The following PPP1R2B variants were observed in gnomAD, a reference collection of about 807,000 sequenced individuals.
The protein encoded by PPP1R2B is PPP1R2 family member B.
PPP1R2B carries 13 observed loss-of-function variants against 17.6 expected under a neutral mutation model. The observed-to-expected ratio is 0.74, with a 90% confidence interval of 0.48 to 1.17. The LOEUF is 1.17. Ranked by LOEUF, PPP1R2B falls within the 50% of genes most tolerant of loss-of-function variation. The probability of loss-of-function intolerance (pLI) is 0.00; values close to 1 mark genes in which losing one functional copy is unlikely to be tolerated. For missense variants in PPP1R2B, 230 were observed against 252.4 expected (o/e 0.91, Z 0.60); for synonymous variants, 105 against 95.4 (o/e 1.10, Z -0.59).
At position 156,852,323 on chromosome 5, in the gene PPP1R2B, T is replaced by G. The variant is rs1758492005; in HGVS notation, c.*1143T>G. 6.6e-6 allele frequency: 1 copy of G among 152,098 alleles called. No individual in the cohort carries two copies. Among genetic ancestry groups the G allele is most frequent in the Non-Finnish European group, 1.5e-5 (1 of 67,972 alleles). 9.4% of individuals were successfully genotyped at this position (152,098 alleles called of 1,614,324 possible). A position where few individuals can be genotyped will look rare whatever the true frequency, so the allele number is the denominator to read the frequency against. ...TTTTTTGTTTTTTGAGGGTTTTCTT[T>G]GCATGAGAATTGTATGTAACCAGTG... is the stretch of plus-strand genomic sequence containing the variant. On this transcript the variant is annotated 3_prime_UTR_variant, in exon 1 of 1. Coordinates refer to ENST00000522232, the MANE Select transcript of PPP1R2B (RefSeq NM_206858.3).
Position 156,850,710 on chromosome 5 carries a change from A to G in PPP1R2B, c.148A>G (p.Ile50Val), listed in dbSNP as rs746632050. The part of the protein sequence containing the change: ...LSKKSQKWDE[I>V]NILATYHPAD... Reference sequence around the variant, plus strand: ...CAAAAAATCCCAGAAGTGGGATGAAATTAACATCTTGGCGACCTATCATCC... The same window carrying G: ...CAAAAAATCCCAGAAGTGGGATGAAGTTAACATCTTGGCGACCTATCATCC... The change falls in exon 1 of 1, where the codon ATT (isoleucine) becomes GTT (valine). Residue 50 changes from isoleucine to valine, a missense_variant. Transcript: ENST00000522232. 2 of 1,554,540 alleles carry G rather than the reference A, an allele frequency of 1.3e-6. No individual in the cohort carries two copies. The highest frequency in any genetic ancestry group is 3.3e-5 in the Admixed American group (2 of 59,954).
Position 156,850,874 on chromosome 5 carries a change from A to C in PPP1R2B, c.312A>C (p.Leu104Phe). Reference protein sequence around the residue: ...AMAPDILAKKLAAAEGLEPKY... With the variant: ...AMAPDILAKKFAAAEGLEPKY... ...CGCCAGACATCCTAGCCAAGAAATT[A>C]GCTGCTGCTGAAGGCTTGGAGCCAA... Residue 104 changes from leucine to phenylalanine, a missense_variant, in exon 1 of 1, where the codon TTA becomes TTC. Coordinates refer to ENST00000522232, the MANE Select transcript of PPP1R2B (RefSeq NM_206858.3). 6.3e-7 allele frequency: 1 copy of C among 1,598,848 alleles called. No individual in the cohort carries two copies. The highest frequency in any genetic ancestry group is 8.6e-7 in the Non-Finnish European group (1 of 1,166,460).
rs767736462 is a variant in PPP1R2B at position 156,850,747 on chromosome 5, G to C, written c.185G>C (p.Gly62Ala). ...ILATYHPADK[G>A]YGLMKIDEPS... The stretch of plus-strand genomic sequence containing the variant: ...GCGACCTATCATCCAGCAGACAAAG[G>C]CTATGGTTTAATGAAAATAGATGAA... Residue 62 changes from glycine (G) to alanine (A), a missense_variant, in exon 1 of 1, where the codon GGC becomes GCC. Physicochemically the swap from Gly to Ala is moderately conservative, Grantham distance 60. Coordinates refer to ENST00000522232, the MANE Select transcript of PPP1R2B (RefSeq NM_206858.3). 1 of 1,528,044 alleles carries C rather than the reference G, an allele frequency of 6.5e-7. No homozygotes were observed. Among genetic ancestry groups the C allele is most frequent in the Non-Finnish European group, 9.1e-7 (1 of 1,101,780 alleles). 94.7% of individuals were successfully genotyped at this position (1,528,044 alleles called of 1,614,324 possible).
chr5:156,851,732 T>C lies in PPP1R2B; in HGVS notation c.*552T>C, dbSNP rs1173974402. 2.6e-5 allele frequency: 4 copies of C among 153,428 alleles called. No homozygotes were observed. The highest frequency in any genetic ancestry group is 9.6e-5 in the African/African-American group (4 of 41,576). The allele number at this position is 153,428 out of a possible 1,614,324, so 9.5% of individuals were successfully genotyped here. The stretch of plus-strand genomic sequence containing the variant: ...TCTGACCTACTACCTTTAAAATTCC[T>C]GTTGAGTTTCTTTGTGTTTACAAGG... On this transcript the variant is annotated 3_prime_UTR_variant, in exon 1 of 1. Transcript: ENST00000522232.
At position 156,850,576 on chromosome 5, in the gene PPP1R2B, C is replaced by A. The variant is rs112474244; in HGVS notation, c.14C>A (p.Thr5Lys). 848 of 1,590,194 alleles carry A rather than the reference C, an allele frequency of 5.3e-4. 6 individuals carry two copies. The African/African-American group carries it at 0.01, about 19-fold the overall frequency. The change falls in exon 1 of 1, where the codon ACG (threonine) becomes AAG (lysine). Residue 5 changes from threonine to lysine, a missense_variant. Transcript: ENST00000522232. MAAS[T>K]ASHRPIKGIL... is the part of the protein sequence containing the mutation. ...GAGCGCCCGGCAATGGCGGCCTCGA[C>A]GGCCTCCCACCGGCCCATCAAGGGG...
rs1167969304 is a variant in PPP1R2B, at chr5:156,851,356, G to GAT, written c.*185_*186dup. On this transcript the variant is annotated 3_prime_UTR_variant, in exon 1 of 1. Coordinates refer to ENST00000522232, the MANE Select transcript of PPP1R2B (RefSeq NM_206858.3). ...CTAATTAGACTGAAAATGCCTAATT[G>GAT]ATATATATATTCTTATGCCTAGTAC... The GAT allele has an allele frequency of 3.2e-6, 2 of 629,008 alleles. No individual in the cohort carries two copies. Among genetic ancestry groups the GAT allele is most frequent in the Non-Finnish European group, 5.6e-6 (2 of 359,104 alleles). 39.0% of individuals were successfully genotyped at this position (629,008 alleles called of 1,614,324 possible).
Position 156,850,867 on chromosome 5 carries a change from A to C in PPP1R2B, c.305A>C (p.Lys102Thr), listed in dbSNP as rs1445287431. The change falls in exon 1 of 1, where the codon AAG (lysine) becomes ACG (threonine). Residue 102 changes from lysine to threonine, a missense_variant. Coordinates refer to ENST00000522232, the MANE Select transcript of PPP1R2B (RefSeq NM_206858.3). ...TEAMAPDILA[K>T]KLAAAEGLEP... is the part of the protein sequence containing the mutation. Reference sequence around the variant, plus strand: ...GCCATGGCGCCAGACATCCTAGCCAAGAAATTAGCTGCTGCTGAAGGCTTG... The same window carrying C: ...GCCATGGCGCCAGACATCCTAGCCACGAAATTAGCTGCTGCTGAAGGCTTG... The C allele has an allele frequency of 1.3e-6, 2 of 1,594,598 alleles. No individual in the cohort carries two copies. The highest frequency in any genetic ancestry group is 2.7e-5 in the African/African-American group (2 of 74,216).
At position 156,851,919 on chromosome 5, in the gene PPP1R2B, A is replaced by T. The variant is rs1011199512; in HGVS notation, c.*739A>T. The T allele has an allele frequency of 6.6e-6, 1 of 152,632 alleles. No individual in the cohort carries two copies. Among genetic ancestry groups the T allele is most frequent in the Non-Finnish European group, 1.5e-5 (1 of 68,038 alleles). The allele number at this position is 152,632 out of a possible 1,614,324, so 9.5% of individuals were successfully genotyped here. A position where few individuals can be genotyped will look rare whatever the true frequency, so the allele number is the denominator to read the frequency against. On this transcript the variant is annotated 3_prime_UTR_variant, in exon 1 of 1. Transcript: ENST00000522232. ...TGGGCAGACTTCAGAGCAGTTTTTT[A>T]AAAAATAAATATTCTAATGTAGCTA...
Position 156,850,391 on chromosome 5 carries a change from G to A in PPP1R2B, c.-172G>A, listed in dbSNP as rs1279834840. On this transcript the variant is annotated 5_prime_UTR_variant, in exon 1 of 1. Transcript: ENST00000522232. ...CCACCCATTCGGCGTTGGCTCTGGC[G>A]TCGGGGTCGTTGTGACAACCGCTCC... 6.5e-6 allele frequency: 5 copies of A among 764,078 alleles called. No individual in the cohort carries two copies. The highest frequency in any genetic ancestry group is 1.0e-5 in the Non-Finnish European group (5 of 482,866). 47.3% of individuals were successfully genotyped at this position (764,078 alleles called of 1,614,324 possible). A position where few individuals can be genotyped will look rare whatever the true frequency, so the allele number is the denominator to read the frequency against.
rs774044958 is a variant in PPP1R2B, at chr5:156,850,592, C to T, written c.30C>T (p.Pro10=). ...CGGCCTCGACGGCCTCCCACCGGCC[C>T]ATCAAGGGGATCTTGAAGAACAAGA... The part of the protein sequence containing the change: MAASTASHR[P]IKGILKNKTS... The change falls in exon 1 of 1, where the codon CCC becomes CCT. Residue 10 remains proline (P), a synonymous_variant. Coordinates refer to ENST00000522232, the MANE Select transcript of PPP1R2B (RefSeq NM_206858.3). 22 of 1,594,638 alleles carry T rather than the reference C, an allele frequency of 1.4e-5. No homozygotes were observed. The East Asian group carries it at 4.1e-4, about 30-fold the overall frequency.
rs770793143 is a variant in PPP1R2B at position 156,850,645 on chromosome 5, C to T, written c.83C>T (p.Ser28Leu). Residue 28 changes from serine to leucine, a missense_variant, in exon 1 of 1, where the codon TCG becomes TTG. Ser to Leu is a moderately radical substitution (Grantham distance 145). Transcript: ENST00000522232. ...KTSTTSSMVASAEQPRRSVDE... is the reference protein window; with the variant it reads ...KTSTTSSMVALAEQPRRSVDE... ...TCTACGACTTCCTCTATGGTGGCGT[C>T]GGCCGAACAGCCCCGCAGGAGTGTC... 92 of 1,599,944 alleles carry T rather than the reference C, an allele frequency of 5.8e-5. No individual in the cohort carries two copies. The Admixed American group carries it at 1.5e-3, about 26-fold the overall frequency.
Position 156,850,359 on chromosome 5 carries a change from G to A in PPP1R2B, c.-204G>A, listed in dbSNP as rs1399898249. 6.6e-6 allele frequency among the ~76,000 whole-genome samples: 1 copy of A among 151,706 alleles called. No homozygotes were observed. The highest frequency in any genetic ancestry group is 1.5e-5 in the Non-Finnish European group (1 of 67,908). On this transcript the variant is annotated 5_prime_UTR_variant, in exon 1 of 1. Transcript: ENST00000522232. ...AGTGCCGGCGGCTAATGGTGCGCGA[G>A]GAGCCGCCACCCATTCGGCGTTGGC...
Position 156,850,643 on chromosome 5 carries a change from G to C in PPP1R2B, c.81G>C (p.Ala27=), listed in dbSNP as rs749205835. Residue 27 remains alanine, a synonymous_variant, in exon 1 of 1, where the codon GCG becomes GCC. Transcript: ENST00000522232. The part of the protein sequence containing the change: ...NKTSTTSSMV[A]SAEQPRRSVD... ...CCTCTACGACTTCCTCTATGGTGGC[G>C]TCGGCCGAACAGCCCCGCAGGAGTG... 6.2e-7 allele frequency: 1 copy of C among 1,602,568 alleles called. No homozygotes were observed. Among genetic ancestry groups the C allele is most frequent in the Non-Finnish European group, 8.5e-7 (1 of 1,171,288 alleles).
chr5:156,850,817 G>T lies in PPP1R2B; in HGVS notation c.255G>T (p.Ala85=), dbSNP rs775661615. 13 of 1,506,526 alleles carry T rather than the reference G, an allele frequency of 8.6e-6. No individual in the cohort carries two copies. Among genetic ancestry groups the T allele is most frequent in the Non-Finnish European group, 1.2e-5 (13 of 1,082,654 alleles). The allele number at this position is 1,506,526 out of a possible 1,614,324, so 93.3% of individuals were successfully genotyped here. ...GTATGATGGGTGATGATGAAGATGCGTGTAGGGACACCGAGACCACTGAAG... is the reference window on the plus strand; with the variant it reads ...GTATGATGGGTGATGATGAAGATGCTTGTAGGGACACCGAGACCACTGAAG... The part of the protein sequence containing the change: ...YHSMMGDDED[A]CRDTETTEAM... Residue 85 remains alanine, a synonymous_variant, in exon 1 of 1, where the codon GCG becomes GCT. Transcript: ENST00000522232.
rs984073005 is a variant in PPP1R2B, at chr5:156,850,323, G to C, written c.-240G>C. 4.4e-5 allele frequency among the ~76,000 whole-genome samples: 6 copies of C among 137,474 alleles called. No individual in the cohort carries two copies. The highest frequency in any genetic ancestry group is 3.3e-4 in the Admixed American group (4 of 12,196). The allele number at this position is 137,474 out of a possible 152,430, so 90.2% of individuals were successfully genotyped here. ...GCTCTAGGCCGGCATCTCTCCGCGA[G>C]CCGCGGGTCAAGTGCCGGCGGCTAA... On this transcript the variant is annotated 5_prime_UTR_variant, in exon 1 of 1. Transcript: ENST00000522232.
chr5:156,851,255 C>T lies in PPP1R2B; in HGVS notation c.*75C>T, dbSNP rs1758478075. The T allele has an allele frequency of 4.1e-6, 5 of 1,229,096 alleles. No individual in the cohort carries two copies. Among genetic ancestry groups the T allele is most frequent in the Non-Finnish European group, 4.8e-6 (4 of 839,102 alleles). 76.1% of individuals were successfully genotyped at this position (1,229,096 alleles called of 1,614,324 possible). On this transcript the variant is annotated 3_prime_UTR_variant, in exon 1 of 1. Transcript: ENST00000522232. ...CTATAATACATTGCTTCTTGTTCTC[C>T]ACAATTCATGACTTAAGTACCAAAA...
At position 156,851,177 on chromosome 5, in the gene PPP1R2B, A is replaced by G; in HGVS notation, c.615A>G (p.Ser205=). The G allele has an allele frequency of 6.4e-7, 1 of 1,557,868 alleles. No homozygotes were observed. The highest frequency in any genetic ancestry group is 8.9e-7 in the Non-Finnish European group (1 of 1,129,048). ...AACAGCAAAACAAATTACGAAGTTC[A>G]TAGAAGAGATTTGTTCAACACTGCA... ...SDQQQNKLRS[S] Residue 205 remains serine, a synonymous_variant, in exon 1 of 1, where the codon TCA becomes TCG. Coordinates refer to ENST00000522232, the MANE Select transcript of PPP1R2B (RefSeq NM_206858.3).
chr5:156,852,393 T>G lies in PPP1R2B; in HGVS notation c.*1213T>G, dbSNP rs1758492780. Reference sequence around the variant, plus strand: ...TACAGACAGAAGTAAGCCTGGACATTTTTTAATTTAAAAACTTTAAATAGT... The same window carrying G: ...TACAGACAGAAGTAAGCCTGGACATGTTTTAATTTAAAAACTTTAAATAGT... On this transcript the variant is annotated 3_prime_UTR_variant, in exon 1 of 1. Transcript: ENST00000522232. 1 of 152,112 alleles carries G rather than the reference T, an allele frequency of 6.6e-6. No homozygotes were observed. The highest frequency in any genetic ancestry group is 1.5e-5 in the Non-Finnish European group (1 of 67,984). The allele number at this position is 152,112 out of a possible 1,614,324, so 9.4% of individuals were successfully genotyped here.
rs780945519 is a variant in PPP1R2B, at chr5:156,850,779, C to T, written c.217C>T (p.Pro73Ser). 5 of 1,513,918 alleles carry T rather than the reference C, an allele frequency of 3.3e-6. No individual in the cohort carries two copies. The highest frequency in any genetic ancestry group is 4.6e-6 in the Non-Finnish European group (5 of 1,089,276). 93.8% of individuals were successfully genotyped at this position (1,513,918 alleles called of 1,614,324 possible). ...YGLMKIDEPSPPYHSMMGDDE... is the reference protein window; with the variant it reads ...YGLMKIDEPSSPYHSMMGDDE... Reference sequence around the variant, plus strand: ...TTTAATGAAAATAGATGAACCAAGCCCTCCTTACCATAGTATGATGGGTGA... The same window carrying T: ...TTTAATGAAAATAGATGAACCAAGCTCTCCTTACCATAGTATGATGGGTGA... Residue 73 changes from proline to serine, a missense_variant, in exon 1 of 1, where the codon CCT (proline) becomes TCT (serine). Coordinates refer to ENST00000522232, the MANE Select transcript of PPP1R2B (RefSeq NM_206858.3).
Sources: gnomAD v4.1 joint callset for allele counts (sites outside exome capture counted in the v4.1 genomes callset) on GRCh38, gnomAD v4.1.1 for gene constraint, MANE v1.5 for transcripts, NCBI Gene and HGNC (gene_info 2026-07-23, HGNC 2026-07-21) for gene names.